The following ACAP2 variants were observed in gnomAD, a reference collection of about 807,000 sequenced individuals.
ACAP2 encodes the protein ArfGAP with coiled-coil, ankyrin repeat and PH domains 2, also known as arf-GAP with coiled-coil, ANK repeat and PH domain-containing protein 2.
Under a neutral mutation model 115.8 loss-of-function variants are expected in ACAP2, and 39 were observed. The observed-to-expected ratio is 0.34, with a 90% CI of 0.26 to 0.44. ACAP2 has a LOEUF of 0.44. Among genes scored for constraint, ACAP2 ranks in the 20% least tolerant of loss-of-function variants. ACAP2 has a pLI of 1.00. For synonymous variants in ACAP2, 289 were observed against 315.8 expected, an observed-to-expected ratio of 0.92 and a Z score of 0.90; for missense variants, 662 against 927.6, an observed-to-expected ratio of 0.71 and a Z score of 3.72.
intron 2 of ACAP2, among the ~76,000 whole-genome samples, chr3:195,382,878 G>A (rs561168663): frequency 2.0e-5 from 3 of 148,948 alleles, no homozygotes; most frequent in African/African-American, 7.4e-5. Context: ...AACTATGCAT[G>A]GAAAAAAAAA....
intron 6 of ACAP2, among the ~76,000 whole-genome samples, chr3:195,341,126 T>C (rs555196879): frequency 6.6e-6 from 1 of 152,034 alleles, no homozygotes; most frequent in Non-Finnish European, 1.5e-5. Flanking sequence ...AGCATTAAAG[T>C]TTTTTTAGGC....
intron 1 of ACAP2, among the ~76,000 whole-genome samples, chr3:195,405,387 C>T (rs1262045130): frequency 6.6e-6 from 1 of 152,096 alleles, no homozygotes; most frequent in Non-Finnish European, 1.5e-5. Flanking sequence ...TCTTTCATTG[C>T]TATAAAGAAA....
At chr3:195,405,999 G>A (rs749973904) in intron 1 of ACAP2, among the ~76,000 whole-genome samples, 3 of 152,040 alleles carry the variant, frequency 2.0e-5, no homozygotes, top group African/African-American at 4.8e-5. Context: ...CCCCACACCA[G>A]GCTTACCTCC....
intron 13 of ACAP2, among the ~76,000 whole-genome samples, chr3:195,304,657 T>A (rs756754792): frequency 1.4e-4 from 21 of 152,158 alleles, no homozygotes; most frequent in Non-Finnish European, 2.4e-4. Context: ...AACATATACA[T>A]ACAATATGCT....
At chr3:195,304,454 C>T (rs1243008953) in intron 13 of ACAP2, among the ~76,000 whole-genome samples, 17 of 152,064 alleles carry the variant, frequency 1.1e-4, no homozygotes, top group Admixed American at 1.1e-3. Flanking sequence ...CACCAATTCA[C>T]GAAAGTATTA....
intron 1 of ACAP2, among the ~76,000 whole-genome samples, chr3:195,400,366 T>A (rs951430960): frequency 2.0e-5 from 3 of 152,080 alleles, no homozygotes; most frequent in Non-Finnish European, 4.4e-5. Context: ...CTTCCAAATT[T>A]GCTCTGCATA....
At chr3:195,438,500 A>C (rs1176742599) in intron 1 of ACAP2, among the ~76,000 whole-genome samples, 1 of 152,206 alleles carries the variant, frequency 6.6e-6, no homozygotes, top group East Asian at 1.9e-4. Flanking sequence ...GATTGGCACC[A>C]ATCCAGACTT....
chr3:195,380,980 C>A, intron 4 of ACAP2, 29 bp downstream of exon 4: 1 of 1,548,494 alleles, frequency 6.5e-7, no homozygotes, highest in South Asian at 1.2e-5. Flanking sequence ...TTAATATGGT[C>A]ATAGTAACAC....
chr3:195,406,892 G>A (rs1712818142), intron 1 of ACAP2, among the ~76,000 whole-genome samples: 1 of 152,128 alleles, frequency 6.6e-6, no homozygotes, highest in South Asian at 2.1e-4. Context: ...AGAATTCAAG[G>A]AGAAAGAAAT....
intron 20 of ACAP2, among the ~76,000 whole-genome samples, chr3:195,290,963 A>G (rs1727211540): frequency 6.6e-6 from 1 of 152,150 alleles, no homozygotes; most frequent in Non-Finnish European, 1.5e-5. Context: ...GTAGTGAGCT[A>G]TGATTGCACC....
chr3:195,356,747 G>A (rs1018342024), intron 4 of ACAP2, among the ~76,000 whole-genome samples: 1 of 151,970 alleles, frequency 6.6e-6, no homozygotes, highest in African/African-American at 2.4e-5. Context: ...GAAGGAACCT[G>A]AAGGGAAGGA....
intron 20 of ACAP2, among the ~76,000 whole-genome samples, chr3:195,291,441 A>G (rs1032708616): frequency 9.2e-5 from 14 of 152,270 alleles, no homozygotes; most frequent in Non-Finnish European, 1.5e-4. Context: ...TTTTAATAAC[A>G]GAGAAAGTTA....
Position 195,384,261 on chromosome 3 carries a change from T to C in ACAP2, c.112-2239A>G, listed in dbSNP as rs562651588. Among the ~76,000 whole-genome samples, 3 of 152,296 alleles carry C rather than the reference T, an allele frequency of 2.0e-5. No homozygotes were observed. In the South Asian group the frequency reaches 6.2e-4, roughly 32 times the overall value. On this transcript the variant is annotated intron_variant, in intron 2 of 22. Coordinates refer to ENST00000326793, the MANE Select transcript of ACAP2 (RefSeq NM_012287.6). ...AGATAAATAAATTATGATATAGCCA[T>C]GAAAGGTAATACAATTCAACCATTT... is the stretch of plus-strand genomic sequence containing the variant.
At chr3:195,311,890 T>C (rs80080333) in intron 10 of ACAP2, among the ~76,000 whole-genome samples, 3,280 of 152,154 alleles carry the variant, frequency 0.022, 115 homozygotes, top group East Asian at 0.1. Context: ...AAATAAGGTA[T>C]CACTTTGTAT....
chr3:195,298,891 A>C (rs1205244814), intron 15 of ACAP2, among the ~76,000 whole-genome samples: 1 of 152,140 alleles, frequency 6.6e-6, no homozygotes, highest in Non-Finnish European at 1.5e-5. Flanking sequence ...TCAGCCTCCC[A>C]AAGTGCTGGG....
At chr3:195,442,563 G>A (rs971613404) in intron 1 of ACAP2, among the ~76,000 whole-genome samples, 6 of 152,168 alleles carry the variant, frequency 3.9e-5, no homozygotes, top group Admixed American at 6.5e-5. Flanking sequence ...CCCGGCAGAG[G>A]GCAAGGAAAG....
chr3:195,374,915 T>C (rs761744748), intron 4 of ACAP2, among the ~76,000 whole-genome samples: 1 of 151,904 alleles, frequency 6.6e-6, no homozygotes, highest in Non-Finnish European at 1.5e-5. Context: ...ATCTGGACCA[T>C]GCGTACTGGC....
In ACAP2 at chr3:195,277,298, A is replaced by G. The variant is rs1040779229; in HGVS notation, c.*2030T>C. Reference sequence around the variant, plus strand: ...GTCAAATAATTTCAAGGTACATGCTAATAAAAACTACAAATCAGATTTTTG... The same window carrying G: ...GTCAAATAATTTCAAGGTACATGCTGATAAAAACTACAAATCAGATTTTTG... On this transcript the variant is annotated 3_prime_UTR_variant, in exon 23 of 23. Coordinates refer to ENST00000326793, the MANE Select transcript of ACAP2 (RefSeq NM_012287.6). 4.6e-5 allele frequency: 7 copies of G among 152,252 alleles called. No homozygotes were observed. The highest frequency in any genetic ancestry group is 1.0e-4 in the Non-Finnish European group (7 of 68,046). The allele number at this position is 152,252 out of a possible 1,614,324, so 9.4% of individuals were successfully genotyped here.
Position 195,276,992 on chromosome 3 carries a change from C to T in ACAP2, c.*2336G>A, listed in dbSNP as rs1385061343. Reference sequence around the variant, plus strand: ...GGCACTTCAAATACATTTCTGACCACTAAATTTAAGTAGATACTAATTAAT... The same window carrying T: ...GGCACTTCAAATACATTTCTGACCATTAAATTTAAGTAGATACTAATTAAT... On this transcript the variant is annotated 3_prime_UTR_variant, in exon 23 of 23. Coordinates refer to ENST00000326793, the MANE Select transcript of ACAP2 (RefSeq NM_012287.6). 1 of 152,216 alleles carries T rather than the reference C, an allele frequency of 6.6e-6. No individual in the cohort carries two copies. The highest frequency in any genetic ancestry group is 2.4e-5 in the African/African-American group (1 of 41,454). The allele number at this position is 152,216 out of a possible 1,614,324, so 9.4% of individuals were successfully genotyped here.
Sources: allele counts gnomAD v4.1 joint callset (sites outside exome capture counted in the v4.1 genomes callset), GRCh38; gene constraint gnomAD v4.1.1; transcripts MANE v1.5; gene names NCBI Gene and HGNC (gene_info 2026-07-23, HGNC 2026-07-21).